Variants in USP7 observed in about 807,000 individuals in gnomAD.
USP7 encodes the protein ubiquitin specific peptidase 7.
A neutral mutation model predicts 162.9 loss-of-function variants in USP7; 9 were observed. That is an observed-to-expected ratio of 0.06 (90% CI 0.03 to 0.10). USP7 has a LOEUF of 0.10. Among genes scored for constraint, USP7 ranks in the 10% least tolerant of loss-of-function variants. The pLI, the probability that USP7 is intolerant of heterozygous loss-of-function variation, is 1.00. For synonymous variants in USP7, 562 were observed against 475.9 expected (o/e 1.18, Z -2.35); for missense variants, 715 against 1,373.7 (o/e 0.52, Z 7.58).
chr16:8,922,442 C>T (rs576818348), intron 3 of USP7, among the ~76,000 whole-genome samples: 1 of 152,210 alleles, frequency 6.6e-6, no homozygotes, highest in African/African-American at 2.4e-5. Context: ...GAGCCAAGAT[C>T]AGGCCACTGC....
intron 8 of USP7, 24 bp from the exon 9 acceptor site, chr16:8,915,549 A>T (rs1358057205): frequency 1.9e-6 from 3 of 1,609,050 alleles, no homozygotes; most frequent in African/African-American, 2.7e-5. Context: ...TTTTGGCTTT[A>T]AAAAAACTTT....
rs534307454 is a variant in USP7 at position 8,898,733 on chromosome 16, C to A, written c.2532-94G>T. ...GCATAAAAGCAAACCGCTGGCCTTACACCTGGTCTTGAAATTTGGACCTAG... is the reference window on the plus strand; with the variant it reads ...GCATAAAAGCAAACCGCTGGCCTTAAACCTGGTCTTGAAATTTGGACCTAG... On this transcript the variant is annotated intron_variant, in intron 23 of 30. Coordinates refer to ENST00000344836, the MANE Select transcript of USP7 (RefSeq NM_003470.3). 6 of 1,038,900 alleles carry A rather than the reference C, an allele frequency of 5.8e-6. No homozygotes were observed. In the South Asian group the frequency reaches 1.0e-4, roughly 17 times the overall value. 64.4% of individuals were successfully genotyped at this position (1,038,900 alleles called of 1,614,324 possible). A position where few individuals can be genotyped will look rare whatever the true frequency, so the allele number is the denominator to read the frequency against.
chr16:8,899,980 A>C (rs1419822907), intron 21 of USP7: 1 of 605,598 alleles, frequency 1.7e-6, no homozygotes, highest in East Asian at 2.8e-5. Flanking sequence ...GTGGCTTTAC[A>C]TTCTCATCCC....
intron 4 of USP7, among the ~76,000 whole-genome samples, chr16:8,920,861 C>T (rs368469681): frequency 1.3e-5 from 2 of 152,212 alleles, no homozygotes; most frequent in Non-Finnish European, 2.9e-5. Context: ...CATGGAACCA[C>T]TCAGTACTAT....
intron 1 of USP7, among the ~76,000 whole-genome samples, chr16:8,946,743 C>G (rs961571854): frequency 6.6e-6 from 1 of 152,244 alleles, no homozygotes; most frequent in Non-Finnish European, 1.5e-5. Flanking sequence ...CACAGCCACT[C>G]ACGCTCAACC....
chr16:8,948,415 G>C (rs543196622), intron 1 of USP7, among the ~76,000 whole-genome samples: 2 of 152,212 alleles, frequency 1.3e-5, no homozygotes, highest in African/African-American at 4.8e-5. Flanking sequence ...AAACCCCTGG[G>C]CTCAAGCTAT....
At chr16:8,963,108 T>G in intron 1 of USP7, 99 bp downstream of exon 1, 2 of 1,099,332 alleles carry the variant, frequency 1.8e-6, no homozygotes, top group Admixed American at 5.1e-5. Flanking sequence ...GCCCGGGGCC[T>G]GGTTAAAGAT....
intron 1 of USP7, among the ~76,000 whole-genome samples, chr16:8,951,474 T>G (rs1899545121): frequency 6.6e-6 from 1 of 151,988 alleles, no homozygotes; most frequent in Non-Finnish European, 1.5e-5. Context: ...CTCACCCACC[T>G]CGCCCTGAGC....
intron 10 of USP7, among the ~76,000 whole-genome samples, chr16:8,913,985 G>T (rs573659101): frequency 6.6e-6 from 1 of 151,802 alleles, no homozygotes; most frequent in Admixed American, 6.6e-5. Flanking sequence ...CAATCCTCCC[G>T]ACTCAGCCTC....
chr16:8,918,840 G>C (rs535339371), intron 6 of USP7, among the ~76,000 whole-genome samples, 191 bp downstream of exon 6: 1 of 152,254 alleles, frequency 6.6e-6, no homozygotes, highest in African/African-American at 2.4e-5. Flanking sequence ...TGGTAACTCT[G>C]AATCACTGAG....
chr16:8,941,186 C>A (rs1899031316), intron 1 of USP7, among the ~76,000 whole-genome samples: 1 of 152,142 alleles, frequency 6.6e-6, no homozygotes, highest in African/African-American at 2.4e-5. Flanking sequence ...AGCCCTCACG[C>A]CCTCTGTGCC....
intron 16 of USP7, 44 bp downstream of exon 16, chr16:8,903,224 C>T (rs547162621): frequency 3.4e-5 from 54 of 1,586,006 alleles, no homozygotes; most frequent in Middle Eastern, 2.2e-4. Context: ...GGAAGGTGGA[C>T]GTTGGGAGCC....
Position 8,913,462 on chromosome 16 carries a change from G to A in USP7, c.1078+1792C>T, listed in dbSNP as rs150040209. 1.5e-3 allele frequency among the ~76,000 whole-genome samples: 230 copies of A among 152,080 alleles called. 1 individual carries two copies. Among genetic ancestry groups the A allele is most frequent in the African/African-American group, 5.2e-3 (215 of 41,400 alleles). ...GAAACAGATGAACAGAAAGAGTAAG[G>A]ACACTACAGCCCACTTCTCAGAAAT... On this transcript the variant is annotated intron_variant, in intron 10 of 30. Transcript: ENST00000344836.
chr16:8,920,567 T>A (rs1897630641), intron 4 of USP7, 120 bp from the exon 5 acceptor site: 1 of 813,452 alleles, frequency 1.2e-6, no homozygotes, highest in African/African-American at 1.7e-5. Flanking sequence ...TTTAAATACA[T>A]CCCAACTTTT....
intron 1 of USP7, among the ~76,000 whole-genome samples, chr16:8,961,157 G>C (rs1306854937): frequency 6.6e-6 from 1 of 152,062 alleles, no homozygotes. Context: ...CGTGCATGGA[G>C]ACTGATGAAT....
intron 1 of USP7, among the ~76,000 whole-genome samples, chr16:8,939,851 G>A (rs149076974): frequency 1.3e-5 from 2 of 152,316 alleles, no homozygotes; most frequent in East Asian, 3.9e-4. Flanking sequence ...TGTAATCACA[G>A]CACTTTGGGA....
At chr16:8,917,273 GGTT>G (rs1166323543) in intron 6 of USP7, 117 bp from the exon 7 acceptor site, 40 of 1,283,224 alleles carry the variant, frequency 3.1e-5, no homozygotes, top group Non-Finnish European at 4.1e-5. Context: ...CAATGGCTAA[GGTT>G]GTTGTTAGGG....
chr16:8,939,892 G>T (rs1182782422), intron 1 of USP7, among the ~76,000 whole-genome samples: 4 of 152,212 alleles, frequency 2.6e-5, no homozygotes, highest in Non-Finnish European at 5.9e-5. Context: ...GAGGTCAGGA[G>T]ATTGAAACCA....
chr16:8,950,853 C>T (rs1212180568), intron 1 of USP7, among the ~76,000 whole-genome samples: 1 of 152,204 alleles, frequency 6.6e-6, no homozygotes, highest in Non-Finnish European at 1.5e-5. Flanking sequence ...TGTTTCTGCG[C>T]ACACAGTCAC....
Sources: gnomAD v4.1 joint callset for allele counts (sites outside exome capture counted in the v4.1 genomes callset) on GRCh38, gnomAD v4.1.1 for gene constraint, MANE v1.5 for transcripts, NCBI Gene and HGNC (gene_info 2026-07-23, HGNC 2026-07-21) for gene names.